VWA3B: variants seen among roughly 807,000 people sequenced by gnomAD.
VWA3B encodes von Willebrand factor A domain-containing protein 3B.
VWA3B carries 138 observed loss-of-function variants against 158.3 expected under a neutral mutation model. That is an observed-to-expected ratio of 0.87 (90% CI 0.76 to 1.00). VWA3B has a LOEUF of 1.00. Among genes scored for constraint, VWA3B ranks in the 50% least tolerant of loss-of-function variants. The pLI, the probability that VWA3B is intolerant of heterozygous loss-of-function variation, is 0.00. For synonymous variants in VWA3B, 596 were observed against 587.3 expected (o/e 1.01, Z -0.21); for missense variants, 1,555 against 1,565.1 (o/e 0.99, Z 0.11).
intron 8 of VWA3B, among the ~76,000 whole-genome samples, chr2:98,170,110 G>C (rs1231647059): frequency 1.3e-5 from 2 of 152,170 alleles, no homozygotes; most frequent in African/African-American, 4.8e-5. Context: ...CTGGGTGACA[G>C]AGCGAGACTC....
At chr2:98,152,653 C>T (rs886735777) in intron 7 of VWA3B, among the ~76,000 whole-genome samples, 1 of 152,214 alleles carries the variant, frequency 6.6e-6, no homozygotes, top group Admixed American at 6.5e-5. Flanking sequence ...AGTAAAATTA[C>T]ATTAGAGTAA....
At chr2:98,267,835 C>G (rs1253140938) in intron 21 of VWA3B, among the ~76,000 whole-genome samples, 1 of 151,910 alleles carries the variant, frequency 6.6e-6, no homozygotes, top group Non-Finnish European at 1.5e-5. Flanking sequence ...CAAATAGATG[C>G]AATAAAAAAT....
intron 2 of VWA3B, among the ~76,000 whole-genome samples, chr2:98,107,234 G>T (rs1007249279): frequency 1.8e-4 from 28 of 151,980 alleles, no homozygotes; most frequent in African/African-American, 6.8e-4. Flanking sequence ...AATTCAATTT[G>T]CTAATGTTGT....
Position 98,194,467 on chromosome 2 carries a change from C to G in VWA3B, c.1712C>G (p.Ala571Gly). The G allele has an allele frequency of 6.2e-7, 1 of 1,614,080 alleles. No individual in the cohort carries two copies. Among genetic ancestry groups the G allele is most frequent in the Non-Finnish European group, 8.5e-7 (1 of 1,179,990 alleles). Residue 571 changes from alanine to glycine, a missense_variant, in exon 12 of 28, where the codon GCT becomes GGT. By Grantham distance (60) the Ala-to-Gly change is moderately conservative. Coordinates refer to ENST00000477737, the MANE Select transcript of VWA3B (RefSeq NM_144992.5). ...GTCAATGAAGATAATTTGGAACAGG[C>G]TCAGTCCTGGATTAGAGACATAAAG... ...AEVNEDNLEQ[A>G]QSWIRDIKIG...
intron 6 of VWA3B, among the ~76,000 whole-genome samples, chr2:98,131,480 G>A (rs1336749201): frequency 6.6e-6 from 1 of 152,114 alleles, no homozygotes; most frequent in Non-Finnish European, 1.5e-5. Context: ...TGGGATTGTT[G>A]GATTGTATGG....
intron 10 of VWA3B, 72 bp downstream of exon 10, chr2:98,188,201 C>T: frequency 5.9e-6 from 9 of 1,538,248 alleles, no homozygotes; most frequent in Non-Finnish European, 7.9e-6. Context: ...GATCTTTTTT[C>T]CTCCCTTTTA....
chr2:98,132,292 C>T (rs540140515), intron 6 of VWA3B, among the ~76,000 whole-genome samples: 1 of 152,368 alleles, frequency 6.6e-6, no homozygotes, highest in African/African-American at 2.4e-5. Flanking sequence ...TCTCCACTCC[C>T]TGCCTGGACA....
chr2:98,097,082 TTTTAA>T (rs1288978219), intron 2 of VWA3B, among the ~76,000 whole-genome samples: 1 of 152,138 alleles, frequency 6.6e-6, no homozygotes. Flanking sequence ...TCAAGGAATA[TTTTAA>T]TTTAATTTAA....
In VWA3B at chr2:98,133,925, G is replaced by T; in HGVS notation, c.974G>T (p.Gly325Val). 6.2e-7 allele frequency: 1 copy of T among 1,614,084 alleles called. No homozygotes were observed. The highest frequency in any genetic ancestry group is 8.5e-7 in the Non-Finnish European group (1 of 1,179,982). Residue 325 changes from glycine to valine, a missense_variant, in exon 7 of 28, where the codon GGA (glycine) becomes GTA (valine). Coordinates refer to ENST00000477737, the MANE Select transcript of VWA3B (RefSeq NM_144992.5). ...ACTTGGAATTCAAGGAAACTGAAAG[G>T]AAAACTCCCTCCAGGTACCTGGAAT... ...VMTWNSRKLK[G>V]KLPPGAGVRE...
intron 21 of VWA3B, among the ~76,000 whole-genome samples, chr2:98,257,285 G>C (rs1234486085): frequency 6.6e-6 from 1 of 151,948 alleles, no homozygotes; most frequent in East Asian, 1.9e-4. Flanking sequence ...ATATTAAGTT[G>C]CTGCAAATGA....
At chr2:98,128,177 T>G in intron 5 of VWA3B, 62 bp from the exon 6 acceptor site, 2 of 1,572,716 alleles carry the variant, frequency 1.3e-6, no homozygotes, top group Non-Finnish European at 1.7e-6. Flanking sequence ...GTATTACTGA[T>G]GAGACTAGTA....
At chr2:98,283,251 C>G (rs1299351496) in intron 22 of VWA3B, among the ~76,000 whole-genome samples, 3 of 152,166 alleles carry the variant, frequency 2.0e-5, no homozygotes, top group Non-Finnish European at 4.4e-5. Flanking sequence ...CTAATGAAAT[C>G]TAAGAGGGAG....
At chr2:98,279,227 C>A (rs1404201016) in intron 22 of VWA3B, among the ~76,000 whole-genome samples, 3 of 152,196 alleles carry the variant, frequency 2.0e-5, no homozygotes, top group Non-Finnish European at 4.4e-5. Context: ...TCCCCAAACT[C>A]TATTTTCTAA....
chr2:98,286,035 A>G (rs1055151009), intron 22 of VWA3B, among the ~76,000 whole-genome samples: 10 of 152,028 alleles, frequency 6.6e-5, no homozygotes, highest in African/African-American at 2.2e-4. Flanking sequence ...TTTTGATGCT[A>G]TTATAAATGA....
intron 8 of VWA3B, among the ~76,000 whole-genome samples, chr2:98,175,520 A>C (rs1368413413): frequency 1.3e-5 from 2 of 152,242 alleles, no homozygotes; most frequent in Non-Finnish European, 2.9e-5. Flanking sequence ...GAGGTTACCC[A>C]GTCTGAAGAA....
intron 8 of VWA3B, among the ~76,000 whole-genome samples, chr2:98,173,355 A>G (rs1441394200): frequency 6.6e-6 from 1 of 152,154 alleles, no homozygotes; most frequent in Non-Finnish European, 1.5e-5. Context: ...GAGTCAAGTG[A>G]ACTTTGACAA....
rs539960691 is a variant in VWA3B at position 98,312,205 on chromosome 2, C to G, written c.3741C>G (p.Ala1247=). ...CQGTHPEPRT[A]HLHFPAAGRL... Reference sequence around the variant, plus strand: ...GCTGAACTCTGCTTCCCCAGACAGCCCACCTCCACTTCCCCGCGGCCGGGC... The same window carrying G: ...GCTGAACTCTGCTTCCCCAGACAGCGCACCTCCACTTCCCCGCGGCCGGGC... Residue 1247 remains alanine (A), a synonymous_variant, in exon 28 of 28, where the codon GCC becomes GCG. Transcript: ENST00000477737. 6.2e-7 allele frequency: 1 copy of G among 1,614,200 alleles called. No homozygotes were observed. The highest frequency in any genetic ancestry group is 1.1e-5 in the South Asian group (1 of 91,082).
intron 12 of VWA3B, among the ~76,000 whole-genome samples, chr2:98,203,522 G>A (rs1558669915): frequency 6.6e-6 from 1 of 152,224 alleles, no homozygotes; most frequent in Non-Finnish European, 1.5e-5. Context: ...TAATTAGGAA[G>A]AATTGGCATC....
intron 22 of VWA3B, among the ~76,000 whole-genome samples, chr2:98,276,838 G>C (rs1012125321): frequency 6.6e-6 from 1 of 152,222 alleles, no homozygotes. Flanking sequence ...CTGGATGACC[G>C]GGGCTTTCTG....
Sources: allele counts gnomAD v4.1 joint callset (sites outside exome capture counted in the v4.1 genomes callset), GRCh38; gene constraint gnomAD v4.1.1; transcripts MANE v1.5; gene names NCBI Gene and HGNC (gene_info 2026-07-23, HGNC 2026-07-21).